Variants in CHL1 observed in about 807,000 individuals in gnomAD.
CHL1 encodes the protein neural cell adhesion molecule L1-like protein.
In CHL1, 96 loss-of-function variants were observed where a neutral mutation model predicts 141.9. The observed-to-expected ratio is 0.68, with a 90% CI of 0.57 to 0.80. The LOEUF is 0.80. Ranked by LOEUF, CHL1 falls within the 30% of genes least tolerant of loss-of-function variation. The pLI is 0.00. For synonymous variants in CHL1, 613 were observed against 502.2 expected (o/e 1.22, Z -2.95); for missense variants, 1,820 against 1,457.2 (o/e 1.25, Z -4.05).
intron 5 of CHL1, among the ~76,000 whole-genome samples, chr3:338,569 T>C (rs967758900): frequency 2.0e-5 from 3 of 152,152 alleles, no homozygotes; most frequent in Non-Finnish European, 4.4e-5. Flanking sequence ...ACTAAATAGT[T>C]TCAGAGTCAA....
chr3:384,723 C>A (rs1318907794), intron 19 of CHL1: 1 of 152,180 alleles, frequency 6.6e-6, no homozygotes, highest in African/African-American at 2.4e-5. Flanking sequence ...AGGCCTCCAA[C>A]ATTGAATTTA....
At chr3:376,423 T>A (rs1054287964) in intron 15 of CHL1, 9 of 516,326 alleles carry the variant, frequency 1.7e-5, no homozygotes, top group South Asian at 1.1e-4. Flanking sequence ...TTTAATAAGT[T>A]CTTTAGGTAT....
intron 11 of CHL1, among the ~76,000 whole-genome samples, chr3:359,789 G>A (rs772066853): frequency 9.2e-5 from 14 of 152,176 alleles, no homozygotes; most frequent in Non-Finnish European, 1.8e-4. Context: ...CAAGGCAAAT[G>A]AAATCAATGG....
intron 2 of CHL1, among the ~76,000 whole-genome samples, chr3:266,128 G>A (rs998317919): frequency 6.6e-6 from 1 of 152,170 alleles, no homozygotes; most frequent in African/African-American, 2.4e-5. Flanking sequence ...ACCAGGAGAA[G>A]GATCCATCTT....
At position 257,110 on chromosome 3, in the gene CHL1, C is replaced by T. The variant is rs570890628; in HGVS notation, c.-95+12418C>T. Among the ~76,000 whole-genome samples the T allele has an allele frequency of 1.4e-3, 218 of 152,196 alleles. 1 individual carries two copies. The highest frequency in any genetic ancestry group is 4.8e-3 in the African/African-American group (201 of 41,542). On this transcript the variant is annotated intron_variant, in intron 2 of 27. Coordinates refer to ENST00000256509, the MANE Select transcript of CHL1 (RefSeq NM_006614.4). ...CTTCATGTCACCTCAAATATGGAGG[C>T]ATTAGCTTTGTTTAGTTCAGTATAT...
chr3:219,014 T>C (rs1700580231), intron 1 of CHL1, among the ~76,000 whole-genome samples: 1 of 152,022 alleles, frequency 6.6e-6, no homozygotes, highest in Non-Finnish European at 1.5e-5. Context: ...CTGGGCATGG[T>C]GGCGGGCACC....
intron 2 of CHL1, among the ~76,000 whole-genome samples, chr3:309,841 T>A (rs189685262): frequency 6.6e-6 from 1 of 152,202 alleles, no homozygotes; most frequent in Middle Eastern, 3.2e-3. Flanking sequence ...AGTTTTCTAC[T>A]TTTAAATGTA....
At chr3:283,980 T>G (rs331871) in intron 2 of CHL1, among the ~76,000 whole-genome samples, 1 of 152,158 alleles carries the variant, frequency 6.6e-6, no homozygotes, top group African/African-American at 2.4e-5. Flanking sequence ...ATTTTCCAGA[T>G]AGTCACACTC....
At chr3:242,422 C>A (rs921995818) in intron 1 of CHL1, among the ~76,000 whole-genome samples, 1 of 137,392 alleles carries the variant, frequency 7.3e-6, no homozygotes, top group Non-Finnish European at 1.6e-5. Context: ...CGGTGAAACC[C>A]CGTCTCTACT....
In CHL1 at chr3:407,584, T is replaced by G. The variant is rs545946824; in HGVS notation, c.*1873T>G. 1 of 152,168 alleles carries G rather than the reference T, an allele frequency of 6.6e-6. No homozygotes were observed. The highest frequency in any genetic ancestry group is 2.1e-4 in the South Asian group (1 of 4,812). The allele number at this position is 152,168 out of a possible 1,614,324, so 9.4% of individuals were successfully genotyped here. ...CCTCCTCCGATTTCTAAGGTTCCAGTTTTCTGGAGGGACAGTCATCATGTT... is the reference window on the plus strand; with the variant it reads ...CCTCCTCCGATTTCTAAGGTTCCAGGTTTCTGGAGGGACAGTCATCATGTT... On this transcript the variant is annotated 3_prime_UTR_variant, in exon 28 of 28. Coordinates refer to ENST00000256509, the MANE Select transcript of CHL1 (RefSeq NM_006614.4).
At chr3:241,535 T>G (rs1574829564) in intron 1 of CHL1, among the ~76,000 whole-genome samples, 1 of 151,908 alleles carries the variant, frequency 6.6e-6, no homozygotes, top group African/African-American at 2.4e-5. Flanking sequence ...TTTTACTGTA[T>G]CTTGCTCTTC....
chr3:297,702 C>T (rs1213997253), intron 2 of CHL1, among the ~76,000 whole-genome samples: 1 of 152,216 alleles, frequency 6.6e-6, no homozygotes, highest in Admixed American at 6.5e-5. Flanking sequence ...GCTGCTACTT[C>T]TCTCTGGGTT....
At chr3:200,015 C>G (rs1206524699) in intron 1 of CHL1, among the ~76,000 whole-genome samples, 3 of 152,180 alleles carry the variant, frequency 2.0e-5, no homozygotes, top group Non-Finnish European at 4.4e-5. Context: ...ACAACCCTCT[C>G]ATCCTCACTG....
chr3:316,302 G>A (rs1030444205), intron 2 of CHL1, among the ~76,000 whole-genome samples: 5 of 151,938 alleles, frequency 3.3e-5, no homozygotes, highest in Admixed American at 2.0e-4. Context: ...GAGGACTCTA[G>A]TACCCTCACT....
Position 363,220 on chromosome 3 carries a change from G to C in CHL1, c.1422G>C (p.Gln474His), listed in dbSNP as rs1392878989. Residue 474 changes from glutamine (Q) to histidine (H), a missense_variant, in exon 14 of 28, where the codon CAG (glutamine) becomes CAC (histidine). Physicochemically the swap from Gln to His is conservative, Grantham distance 24. Coordinates refer to ENST00000256509, the MANE Select transcript of CHL1 (RefSeq NM_006614.4). ...FASPEAVVSW[Q>H]KVEEVKPLEG... ...TGTACGCTTTCTTTGTCCATAGGCA[G>C]AAGGTGGAAGAAGTGAAACCCCTGG... The C allele has an allele frequency of 1.2e-6, 2 of 1,608,182 alleles. No individual in the cohort carries two copies. Among genetic ancestry groups the C allele is most frequent in the Non-Finnish European group, 1.7e-6 (2 of 1,178,074 alleles).
chr3:328,918 G>A (rs569399366), intron 5 of CHL1, among the ~76,000 whole-genome samples: 151 of 152,272 alleles, frequency 9.9e-4, no homozygotes, highest in Non-Finnish European at 1.6e-3. Context: ...GTTTTGTTAG[G>A]TGGGGCAAAG....
intron 1 of CHL1, among the ~76,000 whole-genome samples, chr3:231,803 C>T (rs1701892943): frequency 6.6e-6 from 1 of 151,960 alleles, no homozygotes; most frequent in Non-Finnish European, 1.5e-5. Flanking sequence ...TCTCAAACTC[C>T]TGACCTCTGG....
At chr3:337,430 A>G (rs1701977238) in intron 5 of CHL1, among the ~76,000 whole-genome samples, 1 of 151,924 alleles carries the variant, frequency 6.6e-6, no homozygotes, top group Admixed American at 6.6e-5. Context: ...GGTTAGTTAC[A>G]TATGTATACG....
chr3:317,325 C>T (rs968406737), intron 2 of CHL1, among the ~76,000 whole-genome samples: 1 of 151,820 alleles, frequency 6.6e-6, no homozygotes, highest in Non-Finnish European at 1.5e-5. Context: ...AAATTAGAGA[C>T]CAGTGAACTT....
Sources: allele counts gnomAD v4.1 joint callset (sites outside exome capture counted in the v4.1 genomes callset), GRCh38; gene constraint gnomAD v4.1.1; transcripts MANE v1.5; gene names NCBI Gene and HGNC (gene_info 2026-07-23, HGNC 2026-07-21).